ARL15: variants seen among roughly 807,000 people sequenced by gnomAD.
ARL15 encodes the protein ADP-ribosylation factor-like protein 15.
A neutral mutation model predicts 25.2 loss-of-function variants in ARL15; 19 were observed. The observed-to-expected ratio is 0.75, with a 90% CI of 0.53 to 1.10. ARL15 has a LOEUF of 1.10. Among genes scored for constraint, ARL15 ranks in the 50% least tolerant of loss-of-function variants. The pLI, the probability that ARL15 is intolerant of heterozygous loss-of-function variation, is 0.00. For missense variants in ARL15, 220 were observed against 246.0 expected (o/e 0.89, Z 0.71); for synonymous variants, 94 against 86.8 (o/e 1.08, Z -0.46).
At chr5:54,158,657 G>C (rs373585523) in intron 2 of ARL15, among the ~76,000 whole-genome samples, 2 of 152,222 alleles carry the variant, frequency 1.3e-5, no homozygotes, top group South Asian at 4.1e-4. Context: ...GGTGGATCAC[G>C]AGGTCAGGAG....
intron 4 of ARL15, among the ~76,000 whole-genome samples, chr5:53,934,344 G>T (rs1298280463): frequency 6.6e-6 from 1 of 151,960 alleles, no homozygotes; most frequent in African/African-American, 2.4e-5. Flanking sequence ...CATTTCATGA[G>T]AAATCTTAAG....
chr5:54,255,314 C>T (rs1178499093), intron 1 of ARL15, among the ~76,000 whole-genome samples: 1 of 151,886 alleles, frequency 6.6e-6, no homozygotes, highest in Non-Finnish European at 1.5e-5. Flanking sequence ...ACAAATCACC[C>T]TATAAACATA....
intron 4 of ARL15, among the ~76,000 whole-genome samples, chr5:54,020,597 G>C (rs1167384101): frequency 9.9e-5 from 15 of 152,118 alleles, no homozygotes; most frequent in Non-Finnish European, 2.2e-4. Context: ...TAGCCAAAGT[G>C]TCTAAAATTT....
At position 54,221,388 on chromosome 5, in the gene ARL15, G is replaced by A. The variant is rs1039723293; in HGVS notation, c.49-49460C>T. Among the ~76,000 whole-genome samples the A allele has an allele frequency of 4.6e-5, 7 of 152,224 alleles. No individual in the cohort carries two copies. In the South Asian group the frequency reaches 1.4e-3, roughly 32 times the overall value. The stretch of plus-strand genomic sequence containing the variant: ...TTCACCTTGATGTAACATAGTTGAA[G>A]AGGGATTTGCTGATTTGTCATTTTA... On this transcript the variant is annotated intron_variant, in intron 1 of 4. Transcript: ENST00000504924.
intron 3 of ARL15, among the ~76,000 whole-genome samples, chr5:54,149,671 T>G (rs1754006730): frequency 6.6e-6 from 1 of 152,148 alleles, no homozygotes; most frequent in African/African-American, 2.4e-5. Flanking sequence ...GGTGGTAGAC[T>G]TGCCTAGAAT....
intron 3 of ARL15, among the ~76,000 whole-genome samples, chr5:54,125,378 C>T (rs144622698): frequency 1.1e-3 from 164 of 152,264 alleles, no homozygotes; most frequent in African/African-American, 3.7e-3. Context: ...ACTAGAGAGT[C>T]ACACATGGCA....
At chr5:54,167,826 C>T (rs981999650) in intron 2 of ARL15, among the ~76,000 whole-genome samples, 1 of 152,148 alleles carries the variant, frequency 6.6e-6, no homozygotes, top group Non-Finnish European at 1.5e-5. Context: ...CCCTCAATTC[C>T]TTTGCTTGCT....
chr5:53,962,459 A>C (rs1747402155), intron 4 of ARL15, among the ~76,000 whole-genome samples: 1 of 152,154 alleles, frequency 6.6e-6, no homozygotes, highest in Non-Finnish European at 1.5e-5. Context: ...TGGGAGTTGG[A>C]AGCCAGCTCC....
intron 1 of ARL15, among the ~76,000 whole-genome samples, chr5:54,227,852 C>G (rs1456898818): frequency 6.6e-6 from 1 of 152,148 alleles, no homozygotes; most frequent in Non-Finnish European, 1.5e-5. Flanking sequence ...CATTTCAGAG[C>G]TGTAGGTACA....
intron 4 of ARL15, among the ~76,000 whole-genome samples, chr5:54,072,000 A>C (rs1241808471): frequency 6.6e-6 from 1 of 151,820 alleles, no homozygotes; most frequent in Non-Finnish European, 1.5e-5. Context: ...AAAAAAGAAA[A>C]AAAAAGAAAA....
At chr5:54,171,124 G>C (rs1267777104) in intron 2 of ARL15, among the ~76,000 whole-genome samples, 1 of 152,112 alleles carries the variant, frequency 6.6e-6, no homozygotes, top group Non-Finnish European at 1.5e-5. Context: ...AACATTTTGG[G>C]CCTGATAACT....
chr5:54,064,339 C>G lies in ARL15; in HGVS notation c.462+48863G>C, dbSNP rs574961200. 7.9e-5 allele frequency among the ~76,000 whole-genome samples: 12 copies of G among 152,286 alleles called. No homozygotes were observed. In the South Asian group the frequency reaches 2.5e-3, roughly 32 times the overall value. ...GGCCTATGACTCCCTCTGCACTCCC[C>G]CTGTAAGTTCCCCCAGCCTTAAACA... On this transcript the variant is annotated intron_variant, in intron 4 of 4. Transcript: ENST00000504924.
intron 1 of ARL15, among the ~76,000 whole-genome samples, chr5:54,265,596 C>A (rs566554194): frequency 1.3e-5 from 2 of 152,004 alleles, no homozygotes; most frequent in African/African-American, 4.8e-5. Context: ...AGATTTTGCA[C>A]TTTTATGGTA....
At chr5:54,260,080 C>G (rs1176779198) in intron 1 of ARL15, among the ~76,000 whole-genome samples, 2 of 152,184 alleles carry the variant, frequency 1.3e-5, no homozygotes, top group African/African-American at 4.8e-5. Context: ...AGCCCATAGT[C>G]TCAGAGGAAA....
chr5:53,945,895 A>G (rs1746710405), intron 4 of ARL15, among the ~76,000 whole-genome samples: 1 of 152,184 alleles, frequency 6.6e-6, no homozygotes, highest in Non-Finnish European at 1.5e-5. Context: ...TAAAGCCTAG[A>G]AGGGTTGCTG....
intron 4 of ARL15, among the ~76,000 whole-genome samples, chr5:54,024,854 T>G (rs1344937155): frequency 1.3e-5 from 2 of 152,136 alleles, no homozygotes; most frequent in Admixed American, 6.6e-5. Flanking sequence ...ATCCAGAGGC[T>G]TTTGAAAAGG....
At chr5:54,071,523 C>A (rs78693282) in intron 4 of ARL15, among the ~76,000 whole-genome samples, 38,313 of 117,286 alleles carry the variant, frequency 0.33, 8,333 homozygotes, top group African/African-American at 0.54. Flanking sequence ...CCCCCCCCCC[C>A]CCGCAAAGCC....
At chr5:54,133,559 G>A (rs1356547121) in intron 3 of ARL15, among the ~76,000 whole-genome samples, 1 of 152,170 alleles carries the variant, frequency 6.6e-6, no homozygotes, top group Non-Finnish European at 1.5e-5. Context: ...ACATGTGGCC[G>A]CTATAAGGTC....
intron 4 of ARL15, chr5:53,911,893 C>T (rs1268522264): frequency 1.3e-5 from 2 of 152,106 alleles, no homozygotes; most frequent in Non-Finnish European, 2.9e-5. Context: ...GTGTCTTTAG[C>T]CATAGGATTC....
Sources: allele counts gnomAD v4.1 joint callset (sites outside exome capture counted in the v4.1 genomes callset), GRCh38; gene constraint gnomAD v4.1.1; transcripts MANE v1.5; gene names NCBI Gene and HGNC (gene_info 2026-07-23, HGNC 2026-07-21).